Variants in TRPC4 observed in about 807,000 individuals in gnomAD.
TRPC4 encodes short transient receptor potential channel 4.
In TRPC4, 49 loss-of-function variants were observed where a neutral mutation model predicts 99.4. That is an observed-to-expected ratio of 0.49 (90% CI 0.39 to 0.63). The LOEUF (loss-of-function observed/expected upper bound fraction) is 0.63, where lower values mean the gene tolerates loss of function less well. TRPC4 is among the 20% of genes least tolerant of loss of function. The pLI, the probability that TRPC4 is intolerant of heterozygous loss-of-function variation, is 0.00. For synonymous variants in TRPC4, 454 were observed against 425.9 expected (o/e 1.07, Z -0.81); for missense variants, 898 against 1,152.9 (o/e 0.78, Z 3.20).
intron 1 of TRPC4, among the ~76,000 whole-genome samples, chr13:37,809,610 A>G (rs1593792831): frequency 6.6e-6 from 1 of 152,094 alleles, no homozygotes; most frequent in Non-Finnish European, 1.5e-5. Context: ...TGTTCAAGAC[A>G]GGGGTTATAT....
At chr13:37,855,960 G>T (rs1443464146) in intron 1 of TRPC4, among the ~76,000 whole-genome samples, 1 of 151,558 alleles carries the variant, frequency 6.6e-6, no homozygotes, top group East Asian at 1.9e-4. Flanking sequence ...ATTTAAGGAT[G>T]CTTCTTACAG....
chr13:37,824,176 A>G (rs1958124207), intron 1 of TRPC4, among the ~76,000 whole-genome samples: 1 of 150,840 alleles, frequency 6.6e-6, no homozygotes, highest in African/African-American at 2.5e-5. Flanking sequence ...TTTTGGGCTG[A>G]GACAATGGGG....
chr13:37,827,973 G>C (rs929139339), intron 1 of TRPC4, among the ~76,000 whole-genome samples: 10 of 152,238 alleles, frequency 6.6e-5, no homozygotes, highest in African/African-American at 9.6e-5. Context: ...ATAATCTCGT[G>C]GTGGGCCGTT....
At chr13:37,737,546 C>T (rs1286144915) in intron 3 of TRPC4, among the ~76,000 whole-genome samples, 2 of 152,146 alleles carry the variant, frequency 1.3e-5, no homozygotes, top group East Asian at 3.9e-4. Flanking sequence ...AATCTTGGCT[C>T]ACTGCAGCCT....
chr13:37,700,382 C>T (rs149758946), intron 3 of TRPC4, among the ~76,000 whole-genome samples: 1 of 152,280 alleles, frequency 6.6e-6, no homozygotes, highest in East Asian at 1.9e-4. Flanking sequence ...TAATGAGCCA[C>T]TGACATTTTC....
chr13:37,742,096 T>A (rs1451787032), intron 3 of TRPC4, among the ~76,000 whole-genome samples: 1 of 152,168 alleles, frequency 6.6e-6, no homozygotes, highest in African/African-American at 2.4e-5. Context: ...AATTGCAGCA[T>A]CATTAGCCTA....
chr13:37,664,671 T>A (rs144813302), intron 5 of TRPC4, among the ~76,000 whole-genome samples: 5 of 152,210 alleles, frequency 3.3e-5, no homozygotes, highest in Middle Eastern at 3.2e-3. Flanking sequence ...AATTGAATTA[T>A]TTGCTTCATA....
chr13:37,739,287 TG>T (rs1955506181), intron 3 of TRPC4, among the ~76,000 whole-genome samples: 1 of 152,104 alleles, frequency 6.6e-6, no homozygotes, highest in African/African-American at 2.4e-5. Context: ...GAAAAGGACA[TG>T]GTAATTGAAT....
chr13:37,671,792 C>A (rs1952853304), intron 5 of TRPC4, among the ~76,000 whole-genome samples: 1 of 152,154 alleles, frequency 6.6e-6, no homozygotes, highest in African/African-American at 2.4e-5. Flanking sequence ...CTCCACAGTG[C>A]ATGCCAATGA....
chr13:37,825,062 A>G (rs1160966268), intron 1 of TRPC4, among the ~76,000 whole-genome samples: 1 of 150,922 alleles, frequency 6.6e-6, no homozygotes, highest in African/African-American at 2.4e-5. Flanking sequence ...ATTTGCATAG[A>G]GGTGTTTGTA....
chr13:37,711,865 A>G (rs1566114173), intron 3 of TRPC4, among the ~76,000 whole-genome samples: 1 of 152,050 alleles, frequency 6.6e-6, no homozygotes, highest in Non-Finnish European at 1.5e-5. Context: ...ATTAATTTTA[A>G]TAATTAATTT....
chr13:37,681,554 T>C (rs376083605), intron 4 of TRPC4, among the ~76,000 whole-genome samples: 2 of 152,308 alleles, frequency 1.3e-5, no homozygotes, highest in Admixed American at 1.3e-4. Flanking sequence ...GTTATAAGCA[T>C]GGTAGCGAAA....
intron 2 of TRPC4, among the ~76,000 whole-genome samples, chr13:37,769,046 G>A (rs534428122): frequency 1.3e-5 from 2 of 151,470 alleles, no homozygotes; most frequent in East Asian, 3.9e-4. Context: ...TATAAAAGAT[G>A]CAGTTAATAA....
At chr13:37,651,123 T>C in intron 8 of TRPC4, 142 bp downstream of exon 8, 1 of 898,292 alleles carries the variant, frequency 1.1e-6, no homozygotes, top group East Asian at 2.7e-5. Flanking sequence ...GCCTTAGTCA[T>C]GGGAGATGTG....
At chr13:37,655,610 G>A (rs1227827096) in intron 6 of TRPC4, among the ~76,000 whole-genome samples, 2 of 151,558 alleles carry the variant, frequency 1.3e-5, no homozygotes, top group African/African-American at 4.8e-5. Flanking sequence ...AAATGGTTGG[G>A]AAAAAAATCA....
At chr13:37,711,071 G>T (rs1954468276) in intron 3 of TRPC4, among the ~76,000 whole-genome samples, 1 of 151,920 alleles carries the variant, frequency 6.6e-6, no homozygotes, top group Non-Finnish European at 1.5e-5. Context: ...TTAAGTCAAT[G>T]ATCTAAAAGG....
At chr13:37,837,155 C>A (rs1175676014) in intron 1 of TRPC4, among the ~76,000 whole-genome samples, 4 of 152,198 alleles carry the variant, frequency 2.6e-5, no homozygotes, top group Non-Finnish European at 5.9e-5. Flanking sequence ...CACCCAGATG[C>A]CCAGGCAGAA....
At chr13:37,734,728 A>G (rs1032307182) in intron 3 of TRPC4, among the ~76,000 whole-genome samples, 3 of 152,194 alleles carry the variant, frequency 2.0e-5, no homozygotes, top group Non-Finnish European at 4.4e-5. Flanking sequence ...TCAGGGCTAC[A>G]TGTCCCGGAG....
chr13:37,692,423 T>A, intron 3 of TRPC4, 88 bp from the exon 4 acceptor site: 3 of 1,165,192 alleles, frequency 2.6e-6, no homozygotes, highest in Non-Finnish European at 3.6e-6. Flanking sequence ...TTGTGATCTT[T>A]AAAGACAGAA....
Sources: gnomAD v4.1 joint callset for allele counts (sites outside exome capture counted in the v4.1 genomes callset) on GRCh38, gnomAD v4.1.1 for gene constraint, MANE v1.5 for transcripts, NCBI Gene and HGNC (gene_info 2026-07-23, HGNC 2026-07-21) for gene names.